The following RALYL variants were observed in gnomAD, a reference collection of about 807,000 sequenced individuals.
RALYL encodes the protein RALY RNA binding protein like.
A neutral mutation model predicts 35.1 loss-of-function variants in RALYL; 29 were observed. The observed-to-expected ratio is 0.83, with a 90% CI of 0.61 to 1.13. RALYL has a LOEUF of 1.13. Among genes scored for constraint, RALYL ranks in the 50% most tolerant of loss-of-function variants. The pLI, the probability that RALYL is intolerant of heterozygous loss-of-function variation, is 0.00. For synonymous variants in RALYL, 120 were observed against 127.6 expected, an observed-to-expected ratio of 0.94 and a Z score of 0.40; for missense variants, 359 against 360.4, an observed-to-expected ratio of 1.00 and a Z score of 0.03.
At chr8:84,202,328 A>G (rs572116698) in intron 1 of RALYL, among the ~76,000 whole-genome samples, 50 of 151,542 alleles carry the variant, frequency 3.3e-4, no homozygotes, top group African/African-American at 1.0e-3. Flanking sequence ...TATAAAACAT[A>G]TAAAATCATG....
chr8:84,772,726 A>G (rs1247493849), intron 2 of RALYL, among the ~76,000 whole-genome samples: 3 of 152,076 alleles, frequency 2.0e-5, no homozygotes, highest in Admixed American at 6.6e-5. Flanking sequence ...TAATCTGTGG[A>G]TGCTTTACAA....
At chr8:84,632,918 T>A (rs1366075960) in intron 2 of RALYL, among the ~76,000 whole-genome samples, 1 of 151,882 alleles carries the variant, frequency 6.6e-6, no homozygotes, top group Non-Finnish European at 1.5e-5. Context: ...GAACATGACT[T>A]TATAATGACT....
intron 2 of RALYL, among the ~76,000 whole-genome samples, chr8:84,734,418 C>T (rs1424121565): frequency 6.6e-6 from 1 of 152,020 alleles, no homozygotes; most frequent in Non-Finnish European, 1.5e-5. Context: ...TAAGGTACAA[C>T]TTTATAAAAT....
At chr8:84,598,306 C>T (rs1815081271) in intron 2 of RALYL, among the ~76,000 whole-genome samples, 1 of 152,112 alleles carries the variant, frequency 6.6e-6, no homozygotes, top group Admixed American at 6.6e-5. Context: ...TACAGATGTG[C>T]ACAATCATGC....
At chr8:84,791,980 C>T (rs568277785) in intron 3 of RALYL, among the ~76,000 whole-genome samples, 1 of 152,250 alleles carries the variant, frequency 6.6e-6, no homozygotes, top group African/African-American at 2.4e-5. Context: ...ACTCAAACCC[C>T]TTAAGGGAGG....
At chr8:84,643,171 C>A (rs557416286) in intron 2 of RALYL, among the ~76,000 whole-genome samples, 1 of 151,920 alleles carries the variant, frequency 6.6e-6, no homozygotes, top group East Asian at 2.0e-4. Context: ...AAATGTATCA[C>A]CTCAGTTTCA....
chr8:84,799,723 G>A (rs1286624337), intron 3 of RALYL, among the ~76,000 whole-genome samples: 5 of 152,208 alleles, frequency 3.3e-5, no homozygotes, highest in Non-Finnish European at 7.3e-5. Context: ...TTGGGAGGCC[G>A]AGGCAGGCGG....
intron 1 of RALYL, among the ~76,000 whole-genome samples, chr8:84,239,859 T>A (rs1179678896): frequency 6.6e-6 from 1 of 152,004 alleles, no homozygotes; most frequent in Non-Finnish European, 1.5e-5. Context: ...GCCACTGCAC[T>A]CCAGCCTGGG....
At chr8:84,185,144 A>T in intron 1 of RALYL, 1 of 907,966 alleles carries the variant, frequency 1.1e-6, no homozygotes, top group Non-Finnish European at 1.8e-6. Context: ...CTTCCAGGGG[A>T]TGGGGAAATA....
intron 3 of RALYL, among the ~76,000 whole-genome samples, chr8:84,796,585 T>C (rs1051483562): frequency 6.6e-6 from 1 of 152,244 alleles, no homozygotes; most frequent in African/African-American, 2.4e-5. Context: ...TGATCAGTCA[T>C]CATCTGTTGC....
intron 1 of RALYL, among the ~76,000 whole-genome samples, chr8:84,388,568 G>T (rs1011275914): frequency 3.3e-5 from 5 of 152,124 alleles, no homozygotes; most frequent in African/African-American, 1.2e-4. Context: ...TTGTAGTTTT[G>T]ATTTGCATTT....
At position 84,779,076 on chromosome 8, in the gene RALYL, A is replaced by T. The variant is rs368686473; in HGVS notation, c.332+4422A>T. Among the ~76,000 whole-genome samples the T allele has an allele frequency of 1.8e-4, 28 of 152,350 alleles. No homozygotes were observed. The East Asian group carries it at 3.3e-3, about 18-fold the overall frequency. On this transcript the variant is annotated intron_variant, in intron 3 of 8. Transcript: ENST00000521268. ...AATCATTTGTGAACATTTCATAAAT[A>T]TTGGACCTGGCCCTAATGGTGAATA...
At chr8:84,429,991 A>G (rs948114435) in intron 1 of RALYL, among the ~76,000 whole-genome samples, 15 of 151,934 alleles carry the variant, frequency 9.9e-5, no homozygotes, top group African/African-American at 3.1e-4. Flanking sequence ...GATAGGAAAT[A>G]GACTTCTAGG....
intron 1 of RALYL, among the ~76,000 whole-genome samples, chr8:84,276,451 C>T (rs1463788925): frequency 1.3e-5 from 2 of 152,118 alleles, no homozygotes; most frequent in Non-Finnish European, 2.9e-5. Flanking sequence ...ACATTTTCTT[C>T]TAATTCCTGC....
At chr8:84,373,730 A>T (rs1856389741) in intron 1 of RALYL, among the ~76,000 whole-genome samples, 1 of 152,136 alleles carries the variant, frequency 6.6e-6, no homozygotes, top group East Asian at 1.9e-4. Context: ...TTAATTTTAA[A>T]ATACTGTTTC....
At chr8:84,498,112 G>A (rs1175468542) in intron 1 of RALYL, among the ~76,000 whole-genome samples, 4 of 151,884 alleles carry the variant, frequency 2.6e-5, no homozygotes, top group African/African-American at 7.3e-5. Context: ...TTTTAAATTC[G>A]ATTCCTTTTT....
intron 1 of RALYL, among the ~76,000 whole-genome samples, chr8:84,377,457 T>G (rs1041373932): frequency 3.4e-5 from 5 of 145,170 alleles, no homozygotes; most frequent in African/African-American, 1.3e-4. Flanking sequence ...AACTGTTTTT[T>G]TTTTTTTTTT....
rs772729128 is a variant in RALYL at position 84,887,741 on chromosome 8, G to C, written c.823G>C (p.Glu275Gln). The C allele has an allele frequency of 2.5e-6, 4 of 1,613,866 alleles. No individual in the cohort carries two copies. The highest frequency in any genetic ancestry group is 2.2e-5 in the East Asian group (1 of 44,878). The stretch of plus-strand genomic sequence containing the variant: ...TGGAGAAGAGATGACAGATGGGATA[G>C]AGGAGGACTTCGATGAAGATGGGGG... ...ADGEEMTDGI[E>Q]EDFDEDGGHE... Residue 275 changes from glutamate to glutamine, a missense_variant, in exon 8 of 9, where the codon GAG becomes CAG. Physicochemically the swap from Glu to Gln is conservative, Grantham distance 29 (BLOSUM62 2). Transcript: ENST00000521268.
rs1827397958 is a variant in RALYL, at chr8:84,816,758, G to A, written c.365+11956G>A. On this transcript the variant is annotated intron_variant, in intron 4 of 8. Transcript: ENST00000521268. ...TTGTACATCTTAAGTAACTATAAGAGTGTAATTGGATTGTTTGTTTGTAAC... is the reference window on the plus strand; with the variant it reads ...TTGTACATCTTAAGTAACTATAAGAATGTAATTGGATTGTTTGTTTGTAAC... Among the ~76,000 whole-genome samples the A allele has an allele frequency of 2.0e-5, 3 of 152,052 alleles. No individual in the cohort carries two copies. In the South Asian group the frequency reaches 6.2e-4, roughly 31 times the overall value.
Sources: allele counts gnomAD v4.1 joint callset (sites outside exome capture counted in the v4.1 genomes callset), GRCh38; gene constraint gnomAD v4.1.1; transcripts MANE v1.5; gene names NCBI Gene and HGNC (gene_info 2026-07-23, HGNC 2026-07-21).